The following FBLN2 variants were observed in gnomAD, a reference collection of about 807,000 sequenced individuals.
FBLN2 encodes the protein fibulin 2.
Under a neutral mutation model 123.7 loss-of-function variants are expected in FBLN2, and 81 were observed. The ratio of observed to expected loss-of-function variants is 0.65; its 90% CI spans 0.55 to 0.79. The LOEUF (loss-of-function observed/expected upper bound fraction) is 0.79, where lower values mean the gene tolerates loss of function less well. Ranked by LOEUF, FBLN2 falls within the 30% of genes least tolerant of loss-of-function variation. The pLI is 0.00. For missense variants in FBLN2, 1,603 were observed against 1,681.3 expected, an observed-to-expected ratio of 0.95 and a Z score of 0.81; for synonymous variants, 699 against 701.4, an observed-to-expected ratio of 1.00 and a Z score of 0.05.
chr3:13,562,058 A>G (rs1703623223), intron 1 of FBLN2, among the ~76,000 whole-genome samples: 1 of 152,188 alleles, frequency 6.6e-6, no homozygotes, highest in South Asian at 2.1e-4. Flanking sequence ...TAACAGCTAA[A>G]ATCCCTACTT....
chr3:13,629,210 A>C lies in FBLN2; in HGVS notation c.2760A>C (p.Gln920His). The C allele has an allele frequency of 6.2e-7, 1 of 1,613,348 alleles. No homozygotes were observed. The change falls in exon 13 of 18, where the codon CAA (glutamine) becomes CAC (histidine). Residue 920 changes from glutamine (Q) to histidine (H), a missense_variant. Coordinates refer to ENST00000404922, the MANE Select transcript of FBLN2 (RefSeq NM_001004019.2). ...GTGTGCACCGCTGCGGTGAGGGCCA[A>C]GTGTGCCACAACCTCCCTGGCTCCT... ...ETGVHRCGEG[Q>H]VCHNLPGSYR... is the part of the protein sequence containing the mutation.
rs769724021 is a variant in FBLN2, at chr3:13,553,902, C to T, written c.-42+4694C>T. ...GGCTTCTGGTTGCTCATCTGTGAAT[C>T]GGGGGCGCCCCCCTGGCTATGCTGA... is the stretch of plus-strand genomic sequence containing the variant. On this transcript the variant is annotated intron_variant, in intron 1 of 17. Coordinates refer to ENST00000404922, the MANE Select transcript of FBLN2 (RefSeq NM_001004019.2). Among the ~76,000 whole-genome samples, 7 of 152,334 alleles carry T rather than the reference C, an allele frequency of 4.6e-5. No homozygotes were observed. In the South Asian group the frequency reaches 1.2e-3, roughly 27 times the overall value.
chr3:13,630,810 G>C lies in FBLN2; in HGVS notation c.3080G>C (p.Cys1027Ser). 3.1e-6 allele frequency: 5 copies of C among 1,597,750 alleles called. No individual in the cohort carries two copies. Among genetic ancestry groups the C allele is most frequent in the South Asian group, 1.1e-5 (1 of 88,270 alleles). The change falls in exon 15 of 18, where the codon TGC (cysteine) becomes TCC (serine). Residue 1027 changes from cysteine (C) to serine (S), a missense_variant. By Grantham distance (112) the Cys-to-Ser change is moderately radical. Transcript: ENST00000404922. The part of the protein sequence containing the change: ...GYQLAEDGHT[C>S]TDIDECAQGA... ...CAGCTGGCTGAGGATGGGCACACCT[G>C]CACAGGTACCTCTCCCCTGTCCAAG... is the stretch of plus-strand genomic sequence containing the variant.
chr3:13,561,619 A>G (rs1188956314), intron 1 of FBLN2, among the ~76,000 whole-genome samples: 1 of 152,192 alleles, frequency 6.6e-6, no homozygotes, highest in African/African-American at 2.4e-5. Context: ...TGATATCAGC[A>G]AGTAGGTTGC....
At position 13,549,130 on chromosome 3, in the gene FBLN2, C is replaced by G; in HGVS notation, c.-120C>G. 1 of 983,016 alleles carries G rather than the reference C, an allele frequency of 1.0e-6. No homozygotes were observed. 60.9% of individuals were successfully genotyped at this position (983,016 alleles called of 1,614,324 possible). A position where few individuals can be genotyped will look rare whatever the true frequency, so the allele number is the denominator to read the frequency against. ...GCCTCCGCCCCGCCCCGCGCGCACA[C>G]AGCCAGGGGCCGCCCGGGCTCTCGA... is the stretch of plus-strand genomic sequence containing the variant. On this transcript the variant is annotated 5_prime_UTR_variant, in exon 1 of 18. Transcript: ENST00000404922.
chr3:13,604,142 C>CA (rs1260523641), intron 2 of FBLN2, among the ~76,000 whole-genome samples: 1 of 152,166 alleles, frequency 6.6e-6, no homozygotes, highest in Non-Finnish European at 1.5e-5. Context: ...AGCCCTTTGT[C>CA]AGATGGGTAG....
At chr3:13,576,663 G>T (rs564248395) in intron 2 of FBLN2, among the ~76,000 whole-genome samples, 1 of 152,088 alleles carries the variant, frequency 6.6e-6, no homozygotes, top group Non-Finnish European at 1.5e-5. Context: ...GAATGCTCAG[G>T]ATGGCAGGAG....
At chr3:13,584,244 A>G (rs2124845242) in intron 2 of FBLN2, among the ~76,000 whole-genome samples, 1 of 152,344 alleles carries the variant, frequency 6.6e-6, no homozygotes, top group South Asian at 2.1e-4. Context: ...AAAGTACACT[A>G]CAGGCACCTG....
rs369694803 is a variant in FBLN2 at position 13,637,678 on chromosome 3, G to A, written c.3455G>A (p.Arg1152His). 4.5e-5 allele frequency: 72 copies of A among 1,613,852 alleles called. No individual in the cohort carries two copies. The highest frequency in any genetic ancestry group is 7.7e-5 in the South Asian group (7 of 91,088). Reference protein sequence around the residue: ...TGLLVPAHIFRIGPAPAFTGD... With the variant: ...TGLLVPAHIFHIGPAPAFTGD... ...CTCCTGGTGCCTGCGCATATCTTCC[G>A]CATTGGCCCCGCGCCAGCCTTCACG... The change falls in exon 18 of 18, where the codon CGC (arginine) becomes CAC (histidine). Residue 1152 changes from arginine to histidine, a missense_variant. Transcript: ENST00000404922.
intron 13 of FBLN2, among the ~76,000 whole-genome samples, chr3:13,629,534 C>G (rs1356405087): frequency 6.6e-6 from 1 of 151,900 alleles, no homozygotes; most frequent in African/African-American, 2.4e-5. Flanking sequence ...CCCTCTTACT[C>G]TGGTCTTTCC....
At chr3:13,562,846 A>G (rs1409394482) in intron 1 of FBLN2, among the ~76,000 whole-genome samples, 1 of 152,160 alleles carries the variant, frequency 6.6e-6, no homozygotes, top group Non-Finnish European at 1.5e-5. Flanking sequence ...TCTGAATTTG[A>G]TGACTGTAGA....
intron 8 of FBLN2, 82 bp downstream of exon 8, chr3:13,619,913 C>T (rs2124895634): frequency 3.7e-6 from 4 of 1,094,116 alleles, no homozygotes; most frequent in Non-Finnish European, 5.3e-6. Flanking sequence ...GTGGCTGAGA[C>T]TTAAAACTTG....
At position 13,637,805 on chromosome 3, in the gene FBLN2, C is replaced by A; in HGVS notation, c.3582C>A (p.Ala1194=). The A allele has an allele frequency of 6.2e-7, 1 of 1,613,820 alleles. No homozygotes were observed. Among genetic ancestry groups the A allele is most frequent in the Non-Finnish European group, 8.5e-7 (1 of 1,179,782 alleles). The stretch of plus-strand genomic sequence containing the variant: ...CGGGTGTGGTCTACCTGCAGCGGGC[C>A]GTGCTGGAGCCCCGGGACTTTGCCC... The part of the protein sequence containing the change: ...AYTGVVYLQR[A]VLEPRDFALD... The change falls in exon 18 of 18, where the codon GCC becomes GCA. Residue 1194 remains alanine (A), a synonymous_variant. Transcript: ENST00000404922.
intron 4 of FBLN2, among the ~76,000 whole-genome samples, chr3:13,610,393 A>C (rs1200412417): frequency 6.6e-6 from 1 of 152,154 alleles, no homozygotes; most frequent in Non-Finnish European, 1.5e-5. Context: ...TGTTTCTCTC[A>C]CATGGGAGGT....
chr3:13,603,811 T>G (rs1574975396), intron 2 of FBLN2, among the ~76,000 whole-genome samples: 1 of 152,234 alleles, frequency 6.6e-6, no homozygotes. Context: ...GCAATCGCCA[T>G]ACTGTCTTCC....
At position 13,619,786 on chromosome 3, in the gene FBLN2, T is replaced by C; in HGVS notation, c.2110T>C (p.Cys704Arg). 6.2e-7 allele frequency: 1 copy of C among 1,613,048 alleles called. No homozygotes were observed. The highest frequency in any genetic ancestry group is 8.5e-7 in the Non-Finnish European group (1 of 1,179,466). The change falls in exon 8 of 18, where the codon TGT becomes CGT. Residue 704 changes from cysteine to arginine, a missense_variant. Transcript: ENST00000404922. ...TGTTGGGGGCTCAGCCATATGCTCC[T>C]GTTTTCCCGGCTATGCCATCATGGC... ...STVGGSAICS[C>R]FPGYAIMADG... is the part of the protein sequence containing the mutation.
chr3:13,551,046 G>A (rs891684696), intron 1 of FBLN2, among the ~76,000 whole-genome samples: 19 of 152,336 alleles, frequency 1.2e-4, no homozygotes, highest in African/African-American at 4.1e-4. Flanking sequence ...CCCAGGGGAT[G>A]GGGCAGGGGC....
intron 5 of FBLN2, among the ~76,000 whole-genome samples, chr3:13,616,847 A>T (rs909017678): frequency 6.6e-6 from 1 of 152,140 alleles, no homozygotes; most frequent in African/African-American, 2.4e-5. Context: ...CAGAATCTGG[A>T]GGCACAGAGA....
chr3:13,602,412 C>G (rs1198127593), intron 2 of FBLN2, among the ~76,000 whole-genome samples: 2 of 152,160 alleles, frequency 1.3e-5, no homozygotes, highest in African/African-American at 4.8e-5. Context: ...TATTCTTAAG[C>G]ATTTCGTTTT....
Sources: gnomAD v4.1 joint callset for allele counts (sites outside exome capture counted in the v4.1 genomes callset) on GRCh38, gnomAD v4.1.1 for gene constraint, MANE v1.5 for transcripts, NCBI Gene and HGNC (gene_info 2026-07-23, HGNC 2026-07-21) for gene names.